The following TENM2 variants were observed in gnomAD, a reference collection of about 807,000 sequenced individuals.
TENM2 encodes the protein teneurin-2.
TENM2 carries 52 observed loss-of-function variants against 245.2 expected under a neutral mutation model. The observed-to-expected ratio is 0.21, with a 90% CI of 0.17 to 0.27. TENM2 has a LOEUF of 0.27. Among genes scored for constraint, TENM2 ranks in the 10% least tolerant of loss-of-function variants. The pLI is 1.00. For missense variants in TENM2, 3,046 were observed against 3,666.8 expected (o/e 0.83, Z 4.37); for synonymous variants, 1,363 against 1,438.9 (o/e 0.95, Z 1.19).
intron 2 of TENM2, among the ~76,000 whole-genome samples, chr5:167,699,714 C>T (rs1417854074): frequency 6.6e-6 from 1 of 152,190 alleles, no homozygotes; most frequent in Non-Finnish European, 1.5e-5. Context: ...CATCCCTCCT[C>T]CAGTGGTTGA....
chr5:167,375,464 G>C (rs1193930370), exon 2 of TENM2: 2 of 1,551,586 alleles, frequency 1.3e-6, no homozygotes, highest in Non-Finnish European at 1.7e-6. Flanking sequence ...CAAATCAGAT[G>C]ATGAGAACGG....
chr5:168,241,440 T>TA (rs1766093820), intron 25 of TENM2, among the ~76,000 whole-genome samples: 1 of 151,464 alleles, frequency 6.6e-6, no homozygotes, highest in Non-Finnish European at 1.5e-5. Flanking sequence ...TTTTTTTTTT[T>TA]TAGTAGACAC....
At chr5:167,978,735 G>A (rs563262430) in intron 4 of TENM2, among the ~76,000 whole-genome samples, 1 of 152,118 alleles carries the variant, frequency 6.6e-6, no homozygotes, top group African/African-American at 2.4e-5. Flanking sequence ...TTTAAACATC[G>A]TGAATGCTCT....
At chr5:167,450,558 G>A (rs1298559505) in intron 2 of TENM2, among the ~76,000 whole-genome samples, 2 of 152,012 alleles carry the variant, frequency 1.3e-5, no homozygotes, top group Non-Finnish European at 2.9e-5. Context: ...AACTCTATAA[G>A]CTTATTCTTT....
intron 2 of TENM2, among the ~76,000 whole-genome samples, chr5:167,789,376 T>C (rs781011475): frequency 1.3e-5 from 2 of 152,112 alleles, no homozygotes; most frequent in Non-Finnish European, 2.9e-5. Flanking sequence ...CTCATCCCAA[T>C]TGCTGGCCTA....
the TENM2 span, among the ~76,000 whole-genome samples, chr5:167,196,702 A>G: frequency 6.6e-6 from 1 of 151,880 alleles, no homozygotes; most frequent in Non-Finnish European, 1.5e-5. Flanking sequence ...GGAAAATAAC[A>G]ATATGAAAAT....
chr5:168,226,090 A>G (rs1000082561), exon 24 of TENM2: 3 of 1,612,692 alleles, frequency 1.9e-6, no homozygotes, highest in Non-Finnish European at 1.7e-6. Flanking sequence ...CCCCCCAGCT[A>G]TGACCACGAA....
intron 3 of TENM2, among the ~76,000 whole-genome samples, chr5:167,934,135 CAT>C (rs1778509684): frequency 2.0e-5 from 3 of 152,200 alleles, no homozygotes; most frequent in African/African-American, 7.2e-5. Flanking sequence ...CCCCAGAACA[CAT>C]ATTATCATGG....
chr5:168,047,359 C>T, intron 5 of TENM2, 68 bp from the exon 8 acceptor site: 2 of 1,535,960 alleles, frequency 1.3e-6, no homozygotes, highest in South Asian at 1.2e-5. Context: ...GGGCACCTGG[C>T]CCTCCCCCTT....
intron 2 of TENM2, among the ~76,000 whole-genome samples, chr5:167,542,970 A>T (rs1772311315): frequency 6.6e-6 from 1 of 152,120 alleles, no homozygotes; most frequent in African/African-American, 2.4e-5. Context: ...GCTTCAGTGG[A>T]GCCTGGTTGG....
intron 5 of TENM2, among the ~76,000 whole-genome samples, chr5:168,003,014 A>G (rs1452972419): frequency 1.3e-5 from 2 of 152,212 alleles, no homozygotes; most frequent in East Asian, 3.9e-4. Flanking sequence ...TTGCATGAGC[A>G]TCTCCTGTCC....
At chr5:167,497,996 C>T (rs1052945122) in intron 2 of TENM2, among the ~76,000 whole-genome samples, 4 of 152,112 alleles carry the variant, frequency 2.6e-5, no homozygotes, top group South Asian at 2.1e-4. Context: ...GGATCCTAAT[C>T]GCCTCAGAAT....
At chr5:166,991,479 C>CT in the TENM2 span, among the ~76,000 whole-genome samples, 1 of 151,766 alleles carries the variant, frequency 6.6e-6, no homozygotes, top group African/African-American at 2.4e-5. Context: ...GAAAAGCTCC[C>CT]TTTTTTGTTC....
At chr5:167,537,493 TA>T (rs1282689792) in intron 2 of TENM2, among the ~76,000 whole-genome samples, 1 of 152,158 alleles carries the variant, frequency 6.6e-6, no homozygotes, top group Non-Finnish European at 1.5e-5. Flanking sequence ...AAGGAGAAAC[TA>T]AAAGTTTTAA....
intron 2 of TENM2, among the ~76,000 whole-genome samples, chr5:167,822,386 A>G (rs967626128): frequency 6.6e-6 from 1 of 152,250 alleles, no homozygotes; most frequent in African/African-American, 2.4e-5. Flanking sequence ...AGGGAAATGC[A>G]ATACTTCTAT....
Position 167,581,921 on chromosome 5 carries a change from G to GA in TENM2, c.502+206460dup, listed in dbSNP as rs546931095. On this transcript the variant is annotated intron_variant, in intron 2 of 28. Transcript: ENST00000518659. ...TTTAGTAATCAAAAACATTGAGAGAGAAAAAAAAAAAATCAAGCGTTACAA... is the reference window on the plus strand; with the variant it reads ...TTTAGTAATCAAAAACATTGAGAGAGAAAAAAAAAAAAATCAAGCGTTACAA... 9.8e-3 allele frequency among the ~76,000 whole-genome samples: 1,377 copies of GA among 140,512 alleles called. 18 individuals are homozygous for GA. Among genetic ancestry groups the GA allele is most frequent in the African/African-American group, 0.032 (1,224 of 38,690 alleles). The allele number at this position is 140,512 out of a possible 152,430, so 92.2% of individuals were successfully genotyped here.
chr5:168,067,595 A>T (rs1306052116), intron 7 of TENM2, among the ~76,000 whole-genome samples: 3 of 152,184 alleles, frequency 2.0e-5, no homozygotes, highest in Admixed American at 6.5e-5. Flanking sequence ...TCATTTGAAA[A>T]TGAACTCTGT....
chr5:167,652,112 G>T (rs1048237051), intron 2 of TENM2, among the ~76,000 whole-genome samples: 3 of 152,058 alleles, frequency 2.0e-5, no homozygotes, highest in African/African-American at 7.2e-5. Context: ...TTCTTTTGTT[G>T]TAAAGGTCTA....
chr5:167,133,281 C>T, the TENM2 span, among the ~76,000 whole-genome samples: 2 of 152,160 alleles, frequency 1.3e-5, no homozygotes, highest in Non-Finnish European at 2.9e-5. Flanking sequence ...TCCGGGGAGC[C>T]GTGCCACACA....
Sources: allele counts gnomAD v4.1 joint callset (sites outside exome capture counted in the v4.1 genomes callset), GRCh38; gene constraint gnomAD v4.1.1; transcripts MANE v1.5; gene names NCBI Gene and HGNC (gene_info 2026-07-23, HGNC 2026-07-21).